The following AKAP13 variants were observed in gnomAD, a reference collection of about 807,000 sequenced individuals.
AKAP13 encodes A-kinase anchoring protein 13.
A neutral mutation model predicts 264.5 loss-of-function variants in AKAP13; 80 were observed. The ratio of observed to expected loss-of-function variants is 0.30; its 90% CI spans 0.25 to 0.36. AKAP13 has a LOEUF of 0.36. Among genes scored for constraint, AKAP13 ranks in the 10% least tolerant of loss-of-function variants. The pLI, the probability that AKAP13 is intolerant of heterozygous loss-of-function variation, is 1.00. For missense variants in AKAP13, 3,712 were observed against 3,435.2 expected (o/e 1.08, Z -2.01); for synonymous variants, 1,380 against 1,250.2 (o/e 1.10, Z -2.19).
intron 2 of AKAP13, chr15:85,520,720 G>T (rs755538433): frequency 1.9e-6 from 1 of 518,852 alleles, no homozygotes. Context: ...ATTATAGACC[G>T]AGAGTTGAAC....
intron 1 of AKAP13, among the ~76,000 whole-genome samples, chr15:85,424,891 GGA>G (rs1435849047): frequency 6.6e-6 from 1 of 152,170 alleles, no homozygotes; most frequent in African/African-American, 2.4e-5. Context: ...TCAAGAAGAG[GGA>G]GAGAGATGGG....
At chr15:85,491,493 A>ATATATTTAT (rs541474986) in intron 2 of AKAP13, among the ~76,000 whole-genome samples, 1 of 39,290 alleles carries the variant, frequency 2.5e-5, no homozygotes, top group African/African-American at 7.7e-5. Context: ...ATATTTATAT[A>ATATATTTAT]TATTTATTAT....
rs974856747 is a variant in AKAP13 at position 85,513,782 on chromosome 15, C to T, written c.34-7646C>T. 1.5e-4 allele frequency among the ~76,000 whole-genome samples: 13 copies of T among 88,314 alleles called. 3 individuals carry two copies. The highest frequency in any genetic ancestry group is 2.3e-4 in the Non-Finnish European group (10 of 44,014). 57.9% of individuals were successfully genotyped at this position (88,314 alleles called of 152,430 possible). On this transcript the variant is annotated intron_variant, in intron 2 of 36. Coordinates refer to ENST00000394518, the MANE Select transcript of AKAP13 (RefSeq NM_007200.5). ...CCCTTTCTTTATCTTCTGTCTTTTC[C>T]GATTTTGAAGAATACAGTGCCCTCT...
intron 11 of AKAP13, among the ~76,000 whole-genome samples, chr15:85,656,371 G>A (rs1435146207): frequency 6.6e-6 from 1 of 152,058 alleles, no homozygotes; most frequent in Admixed American, 6.5e-5. Context: ...TTTCCCATGT[G>A]GGAACTTGTA....
At chr15:85,392,339 C>G (rs1214799192) in intron 1 of AKAP13, among the ~76,000 whole-genome samples, 1 of 147,890 alleles carries the variant, frequency 6.8e-6, no homozygotes, top group East Asian at 2.0e-4. Context: ...ACTGCAACCT[C>G]TGCCTCCCAG....
chr15:85,425,541 C>T (rs965305216), intron 1 of AKAP13, among the ~76,000 whole-genome samples: 1 of 151,854 alleles, frequency 6.6e-6, no homozygotes, highest in African/African-American at 2.4e-5. Context: ...CATGGTGAAA[C>T]CTCTTCTCTA....
chr15:85,648,334 T>A (rs1209508468), intron 10 of AKAP13, among the ~76,000 whole-genome samples: 1 of 152,226 alleles, frequency 6.6e-6, no homozygotes, highest in East Asian at 1.9e-4. Context: ...CCTTGCAACC[T>A]CCTAGGTGCA....
chr15:85,682,833 A>C (rs2084670571), intron 15 of AKAP13, among the ~76,000 whole-genome samples: 1 of 152,098 alleles, frequency 6.6e-6, no homozygotes, highest in East Asian at 1.9e-4. Context: ...ATGCCCAGCT[A>C]ATTTTGTATT....
At chr15:85,525,269 A>G (rs2076993244) in intron 3 of AKAP13, among the ~76,000 whole-genome samples, 1 of 152,208 alleles carries the variant, frequency 6.6e-6, no homozygotes, top group South Asian at 2.1e-4. Context: ...CGTGTTAGCC[A>G]GGATGGTCTC....
chr15:85,578,513 A>G (rs2079090036), intron 6 of AKAP13, among the ~76,000 whole-genome samples: 1 of 151,674 alleles, frequency 6.6e-6, no homozygotes, highest in Non-Finnish European at 1.5e-5. Flanking sequence ...ACGCCCAGCT[A>G]ATTTTGTATT....
At chr15:85,419,357 A>G (rs1419729812) in intron 1 of AKAP13, among the ~76,000 whole-genome samples, 1 of 152,198 alleles carries the variant, frequency 6.6e-6, no homozygotes, top group African/African-American at 2.4e-5. Flanking sequence ...TTCCTGGTAA[A>G]GACTCACCGA....
chr15:85,739,346 T>C (rs549190705), intron 33 of AKAP13, among the ~76,000 whole-genome samples: 1 of 152,370 alleles, frequency 6.6e-6, no homozygotes, highest in South Asian at 2.1e-4. Flanking sequence ...TTTATTTTAT[T>C]TTGCATTTAT....
chr15:85,740,997 G>T (rs536224019), intron 34 of AKAP13, 49 bp from the exon 35 acceptor site: 2 of 1,550,368 alleles, frequency 1.3e-6, no homozygotes, highest in African/African-American at 1.4e-5. Context: ...CCAGAAGCTC[G>T]CTGTCGTCCT....
intron 9 of AKAP13, among the ~76,000 whole-genome samples, chr15:85,643,967 T>G (rs2082427508): frequency 6.6e-6 from 1 of 152,246 alleles, no homozygotes; most frequent in African/African-American, 2.4e-5. Context: ...GTCCCCGTTT[T>G]GGATGCCCGT....
chr15:85,396,897 T>TA (rs2071141131), intron 1 of AKAP13, among the ~76,000 whole-genome samples: 1 of 146,058 alleles, frequency 6.8e-6, no homozygotes, highest in Non-Finnish European at 1.5e-5. Flanking sequence ...TCTCGTATGT[T>TA]AGACTTTTTT....
intron 14 of AKAP13, among the ~76,000 whole-genome samples, chr15:85,674,657 C>T (rs1314374408): frequency 6.6e-6 from 1 of 152,154 alleles, no homozygotes; most frequent in Non-Finnish European, 1.5e-5. Context: ...GAGAGCTGAA[C>T]TGTGGCAGTT....
At chr15:85,485,167 A>T (rs2075493644) in intron 1 of AKAP13, among the ~76,000 whole-genome samples, 1 of 152,238 alleles carries the variant, frequency 6.6e-6, no homozygotes, top group Non-Finnish European at 1.5e-5. Context: ...AGTGAACATA[A>T]CAATCAGGGA....
intron 2 of AKAP13, among the ~76,000 whole-genome samples, chr15:85,487,156 C>T (rs1465826183): frequency 6.6e-6 from 1 of 152,164 alleles, no homozygotes; most frequent in African/African-American, 2.4e-5. Context: ...ACTTGTTTGG[C>T]CACAGTTTTT....
chr15:85,404,884 C>G (rs775242411), intron 1 of AKAP13, among the ~76,000 whole-genome samples: 1 of 152,156 alleles, frequency 6.6e-6, no homozygotes, highest in Non-Finnish European at 1.5e-5. Flanking sequence ...ATTTTGCCTT[C>G]GTTGCTTGCA....
Sources: allele counts gnomAD v4.1 joint callset (sites outside exome capture counted in the v4.1 genomes callset), GRCh38; gene constraint gnomAD v4.1.1; transcripts MANE v1.5; gene names NCBI Gene and HGNC (gene_info 2026-07-23, HGNC 2026-07-21).